The following CLSTN2 variants were observed in gnomAD, a reference collection of about 807,000 sequenced individuals.
CLSTN2 encodes the protein calsyntenin-2.
Under a neutral mutation model 101.2 loss-of-function variants are expected in CLSTN2, and 48 were observed. The observed-to-expected ratio is 0.47, with a 90% CI of 0.38 to 0.60. The LOEUF (loss-of-function observed/expected upper bound fraction) is 0.60. Among genes scored for constraint, CLSTN2 ranks in the 20% least tolerant of loss-of-function variants. The pLI, the probability that CLSTN2 is intolerant of heterozygous loss-of-function variation, is 0.00. For synonymous variants in CLSTN2, 481 were observed against 463.6 expected (o/e 1.04, Z -0.48); for missense variants, 1,160 against 1,238.2 (o/e 0.94, Z 0.95).
At chr3:140,281,241 T>C (rs779470643) in intron 2 of CLSTN2, among the ~76,000 whole-genome samples, 9 of 152,322 alleles carry the variant, frequency 5.9e-5, no homozygotes, top group Middle Eastern at 6.8e-3. Context: ...TATAAATGAA[T>C]TATTTTCATT....
At chr3:140,171,093 G>T (rs905669529) in intron 1 of CLSTN2, among the ~76,000 whole-genome samples, 1 of 152,072 alleles carries the variant, frequency 6.6e-6, no homozygotes, top group South Asian at 2.1e-4. Context: ...AGATTTAATT[G>T]TTTCTCCCAA....
Position 140,532,453 on chromosome 3 carries a change from G to A in CLSTN2, c.1474G>A (p.Ala492Thr). The A allele has an allele frequency of 6.2e-7, 1 of 1,613,768 alleles. No homozygotes were observed. Among genetic ancestry groups the A allele is most frequent in the South Asian group, 1.1e-5 (1 of 90,984 alleles). Residue 492 changes from alanine (A) to threonine (T), a missense_variant, in exon 9 of 17, where the codon GCC becomes ACC. By Grantham distance (58) the Ala-to-Thr change is moderately conservative. Coordinates refer to ENST00000458420, the MANE Select transcript of CLSTN2 (RefSeq NM_022131.3). ...CTGGCCCATTCATCCATCTCACATAGCCATGCAACTCACAGTCGGCGCTTG... is the reference window on the plus strand; with the variant it reads ...CTGGCCCATTCATCCATCTCACATAACCATGCAACTCACAGTCGGCGCTTG... ...NDWPIHPSHI[A>T]MQLTVGACWQ...
At chr3:140,465,600 C>T (rs944862321) in intron 7 of CLSTN2, among the ~76,000 whole-genome samples, 11 of 152,198 alleles carry the variant, frequency 7.2e-5, no homozygotes, top group African/African-American at 2.4e-4. Flanking sequence ...ATTGATTCCT[C>T]CCACCTAAAC....
At chr3:140,186,727 T>A (rs2107834277) in intron 2 of CLSTN2, among the ~76,000 whole-genome samples, 1 of 152,100 alleles carries the variant, frequency 6.6e-6, no homozygotes, top group East Asian at 1.9e-4. Context: ...ACTTTAAAAA[T>A]TATTATTTAT....
At chr3:140,407,762 G>A (rs923305828) in intron 4 of CLSTN2, among the ~76,000 whole-genome samples, 4 of 152,194 alleles carry the variant, frequency 2.6e-5, no homozygotes, top group African/African-American at 7.2e-5. Context: ...GATAAGTAGA[G>A]CTTGGGTCCT....
intron 4 of CLSTN2, among the ~76,000 whole-genome samples, chr3:140,413,569 C>T (rs900531337): frequency 6.6e-6 from 1 of 152,090 alleles, no homozygotes; most frequent in Non-Finnish European, 1.5e-5. Flanking sequence ...ATTACCCTGA[C>T]ATCAAAGTCA....
intron 2 of CLSTN2, among the ~76,000 whole-genome samples, chr3:140,274,371 A>C (rs1158788286): frequency 9.2e-5 from 14 of 152,218 alleles, no homozygotes; most frequent in Admixed American, 9.2e-4. Flanking sequence ...CCAGCTCCCC[A>C]AAATCTGATG....
intron 5 of CLSTN2, among the ~76,000 whole-genome samples, chr3:140,437,045 G>A (rs2088695045): frequency 8.5e-6 from 1 of 117,462 alleles, no homozygotes; most frequent in Non-Finnish European, 1.6e-5. Flanking sequence ...CTGCTGGGAG[G>A]TTTGGTTTTT....
At chr3:140,418,652 G>A (rs2088458450) in intron 4 of CLSTN2, among the ~76,000 whole-genome samples, 1 of 151,372 alleles carries the variant, frequency 6.6e-6, no homozygotes, top group African/African-American at 2.4e-5. Context: ...CGAGCCACTG[G>A]GATTACAGGT....
chr3:140,248,027 TG>T (rs1437698609), intron 2 of CLSTN2, among the ~76,000 whole-genome samples: 2 of 152,162 alleles, frequency 1.3e-5, no homozygotes, highest in Admixed American at 1.3e-4. Flanking sequence ...GAGTACTAGG[TG>T]GTTCCAAATG....
intron 1 of CLSTN2, among the ~76,000 whole-genome samples, chr3:139,990,745 C>T (rs1025763349): frequency 6.6e-6 from 1 of 152,132 alleles, no homozygotes; most frequent in Non-Finnish European, 1.5e-5. Context: ...CCTTGGAGTT[C>T]ATAGGCTCAG....
intron 9 of CLSTN2, among the ~76,000 whole-genome samples, chr3:140,534,554 G>A (rs1935323355): frequency 6.6e-6 from 1 of 152,208 alleles, no homozygotes; most frequent in Non-Finnish European, 1.5e-5. Flanking sequence ...CATATTTACT[G>A]AAAATCAATG....
At chr3:139,941,391 T>C (rs1313077353) in intron 1 of CLSTN2, among the ~76,000 whole-genome samples, 2 of 152,210 alleles carry the variant, frequency 1.3e-5, no homozygotes, top group African/African-American at 2.4e-5. Context: ...TCCTGTTCTC[T>C]AGCCTTTTCA....
At chr3:140,492,497 T>C (rs980317868) in intron 8 of CLSTN2, among the ~76,000 whole-genome samples, 1 of 152,220 alleles carries the variant, frequency 6.6e-6, no homozygotes, top group African/African-American at 2.4e-5. Context: ...ACACTTTCTC[T>C]GAGTGTATAC....
At chr3:140,124,874 C>T (rs982433718) in intron 1 of CLSTN2, among the ~76,000 whole-genome samples, 1 of 152,060 alleles carries the variant, frequency 6.6e-6, no homozygotes, top group Non-Finnish European at 1.5e-5. Context: ...GGACAAGGAC[C>T]AAGTCTTTGG....
At chr3:140,253,478 A>G (rs977257416) in intron 2 of CLSTN2, among the ~76,000 whole-genome samples, 6 of 152,222 alleles carry the variant, frequency 3.9e-5, no homozygotes, top group African/African-American at 1.2e-4. Flanking sequence ...TCAAATTTGT[A>G]TAATTGCTCT....
intron 1 of CLSTN2, among the ~76,000 whole-genome samples, chr3:139,997,020 C>T (rs372613553): frequency 7.2e-6 from 1 of 138,080 alleles, no homozygotes; most frequent in East Asian, 2.0e-4. Flanking sequence ...GCACTCCAGC[C>T]TGGGCAACAA....
intron 1 of CLSTN2, among the ~76,000 whole-genome samples, chr3:140,072,197 T>A (rs77235640): frequency 6.6e-6 from 1 of 151,770 alleles, no homozygotes; most frequent in Non-Finnish European, 1.5e-5. Flanking sequence ...TTATATTTCT[T>A]AAAAAAAACA....
chr3:139,948,737 G>A lies in CLSTN2; in HGVS notation c.109+13254G>A, dbSNP rs147161111. Reference sequence around the variant, plus strand: ...TTCATCCAGTTCTACACAGCCCTTGGTGGATCTTCCAGATACACACACACA... The same window carrying A: ...TTCATCCAGTTCTACACAGCCCTTGATGGATCTTCCAGATACACACACACA... On this transcript the variant is annotated intron_variant, in intron 1 of 16. Coordinates refer to ENST00000458420, the MANE Select transcript of CLSTN2 (RefSeq NM_022131.3). 1.6e-3 allele frequency among the ~76,000 whole-genome samples: 236 copies of A among 152,216 alleles called. 1 individual carries two copies. Among genetic ancestry groups the A allele is most frequent in the Non-Finnish European group, 2.7e-3 (182 of 68,026 alleles).
Sources: gnomAD v4.1 joint callset for allele counts (sites outside exome capture counted in the v4.1 genomes callset) on GRCh38, gnomAD v4.1.1 for gene constraint, MANE v1.5 for transcripts, NCBI Gene and HGNC (gene_info 2026-07-23, HGNC 2026-07-21) for gene names.